The following TCP11 variants were observed in gnomAD, a reference collection of about 807,000 sequenced individuals.
TCP11 encodes the protein t-complex 11, also known as T-complex protein 11 homolog.
A neutral mutation model predicts 45.0 loss-of-function variants in TCP11; 34 were observed. That is an observed-to-expected ratio of 0.76 (90% confidence interval 0.57 to 1.01). The LOEUF is 1.01. Among genes scored for constraint, TCP11 ranks in the 50% least tolerant of loss-of-function variants. The pLI is 0.00. For synonymous variants in TCP11, 227 were observed against 227.0 expected (o/e 1.00, Z 0.00); for missense variants, 523 against 598.1 (o/e 0.87, Z 1.31).
chr6:35,127,074 T>A (rs1021579146), intron 4 of TCP11, among the ~76,000 whole-genome samples: 1 of 152,146 alleles, frequency 6.6e-6, no homozygotes, highest in African/African-American at 2.4e-5. Flanking sequence ...ACTTGCAGGA[T>A]TTTTGTTTCC....
rs761971960 is a variant in TCP11, at chr6:35,119,354, A to G, written c.1153T>C (p.Ser385Pro). The change falls in exon 9 of 10, where the codon TCT (serine) becomes CCT (proline). Residue 385 changes from serine (S) to proline (P), a missense_variant. Physicochemically the swap from Ser to Pro is moderately conservative, Grantham distance 74. Around this residue, in one of 2 missense-constraint regions of TCP11, gnomAD observed 298 missense variants for 387.9 expected, o/e 0.77. Transcript: ENST00000311875. Reference sequence around the variant, plus strand: ...TTGAGGCTTTGATGGATTTCCTGAGATACCTGTTCACTCACAGTCAGTATA... The same window carrying G: ...TTGAGGCTTTGATGGATTTCCTGAGGTACCTGTTCACTCACAGTCAGTATA... ...EAILTVSEQV[S>P]QEIHQSLKNM... 4.3e-6 allele frequency: 7 copies of G among 1,614,244 alleles called. No individual in the cohort carries two copies. The East Asian group carries it at 1.1e-4, about 26-fold the overall frequency.
chr6:35,123,961 G>T (rs1178113246), intron 4 of TCP11, among the ~76,000 whole-genome samples: 2 of 151,490 alleles, frequency 1.3e-5, no homozygotes, highest in Non-Finnish European at 2.9e-5. Flanking sequence ...TAATTAAAAA[G>T]ATTTTTTTTT....
chr6:35,121,813 A>G (rs890446171), intron 5 of TCP11, among the ~76,000 whole-genome samples: 32 of 144,060 alleles, frequency 2.2e-4, no homozygotes, highest in African/African-American at 8.1e-4. Context: ...ATCTCAAAAA[A>G]AAAGAAAGAA....
Position 35,121,005 on chromosome 6 carries a change from C to G in TCP11, c.619G>C (p.Val207Leu), listed in dbSNP as rs765409364. ...QVLGRMKMDM[V>L]NYTIQSLQPH... ...TGAAGGCTCTGGATAGTGTAGTTCA[C>G]CATGTCCATTTTCATCCGGCCCAGA... is the stretch of plus-strand genomic sequence containing the variant. The change falls in exon 6 of 10, where the codon GTG becomes CTG. Residue 207 changes from valine (V) to leucine (L), a missense_variant. Around this residue, in one of 2 missense-constraint regions of TCP11, gnomAD observed 298 missense variants for 387.9 expected, o/e 0.77. Transcript: ENST00000311875. The G allele has an allele frequency of 6.2e-7, 1 of 1,611,706 alleles. No individual in the cohort carries two copies. The highest frequency in any genetic ancestry group is 1.3e-5 in the African/African-American group (1 of 74,868).
chr6:35,127,165 T>C (rs914051915), intron 4 of TCP11, among the ~76,000 whole-genome samples: 5 of 152,098 alleles, frequency 3.3e-5, no homozygotes, highest in South Asian at 2.1e-4. Context: ...AAACTGACCA[T>C]TGGGGGCTCC....
intron 3 of TCP11, among the ~76,000 whole-genome samples, chr6:35,133,238 A>G (rs1248347472): frequency 1.3e-5 from 2 of 151,982 alleles, no homozygotes; most frequent in Non-Finnish European, 2.9e-5. Flanking sequence ...GTGCAGTAGC[A>G]CTATCACAGC....
chr6:35,140,232 A>G, intron 2 of TCP11: 1 of 1,505,920 alleles, frequency 6.6e-7, no homozygotes, highest in Non-Finnish European at 8.9e-7. Flanking sequence ...TTCTCTGGAG[A>G]TTAAGAGAAA....
At position 35,118,573 on chromosome 6, in the gene TCP11, T is replaced by C; in HGVS notation, c.1280-72A>G. On this transcript the variant is annotated intron_variant, in intron 9 of 9. Transcript: ENST00000311875. The stretch of plus-strand genomic sequence containing the variant: ...CAGGGAGAAAATTCCCCCTGCACTC[T>C]ACTCACCCATGTTCTAAGTTAACAG... 5 of 1,355,072 alleles carry C rather than the reference T, an allele frequency of 3.7e-6. No individual in the cohort carries two copies. In the African/African-American group the frequency reaches 5.8e-5, roughly 16 times the overall value. The allele number at this position is 1,355,072 out of a possible 1,614,324, so 83.9% of individuals were successfully genotyped here.
chr6:35,123,684 C>T (rs1581810553), intron 4 of TCP11, among the ~76,000 whole-genome samples: 1 of 138,300 alleles, frequency 7.2e-6, no homozygotes, highest in East Asian at 2.1e-4. Context: ...GATGGGGTCT[C>T]GCTGTGTTGC....
At chr6:35,129,461 A>C (rs1252415593) in intron 3 of TCP11, among the ~76,000 whole-genome samples, 1 of 152,192 alleles carries the variant, frequency 6.6e-6, no homozygotes, top group Non-Finnish European at 1.5e-5. Flanking sequence ...AGTCAGGCTG[A>C]CTTTTAGCAC....
intron 3 of TCP11, among the ~76,000 whole-genome samples, chr6:35,134,771 T>C (rs771424397): frequency 1.3e-5 from 2 of 152,222 alleles, no homozygotes; most frequent in Non-Finnish European, 2.9e-5. Flanking sequence ...CCCACAGATA[T>C]AAGGGCCAAC....
intron 3 of TCP11, among the ~76,000 whole-genome samples, chr6:35,132,488 C>G (rs983755046): frequency 6.6e-6 from 1 of 152,234 alleles, no homozygotes; most frequent in Admixed American, 6.5e-5. Context: ...ACTGCCTTAT[C>G]TATATCTCTA....
At chr6:35,124,611 A>G (rs1046776093) in intron 4 of TCP11, among the ~76,000 whole-genome samples, 1 of 152,202 alleles carries the variant, frequency 6.6e-6, no homozygotes, top group Admixed American at 6.5e-5. Flanking sequence ...AAAATGGCTT[A>G]TAAGAGACCA....
chr6:35,131,780 T>A (rs72897898), intron 3 of TCP11, among the ~76,000 whole-genome samples: 27,294 of 152,054 alleles, frequency 0.18, 3,046 homozygotes, highest in African/African-American at 0.29. Context: ...TAAAAAATGT[T>A]TAGTACAGAC....
Position 35,120,450 on chromosome 6 carries a change from A to G in TCP11, c.912T>C (p.Leu304=). 6.3e-7 allele frequency: 1 copy of G among 1,595,116 alleles called. No homozygotes were observed. The highest frequency in any genetic ancestry group is 8.5e-7 in the Non-Finnish European group (1 of 1,170,448). Residue 304 remains leucine (L), a synonymous_variant, in exon 7 of 10, where the codon CTT becomes CTC. Coordinates refer to ENST00000311875, the MANE Select transcript of TCP11 (RefSeq NM_001370687.1). The surrounding 1 kb of genome is among the most constrained non-coding windows in gnomAD (Gnocchi z 4.9). ...CTACCTCAGGGAACTCTTCATTTTC[A>G]AGGTCCCAGAGAAGGAGGTTCAAGA... The part of the protein sequence containing the change: ...QGFLNLLLWD[L]ENEEFPETLL...
intron 4 of TCP11, among the ~76,000 whole-genome samples, chr6:35,126,545 G>A (rs905342228): frequency 1.3e-4 from 20 of 151,242 alleles, no homozygotes; most frequent in African/African-American, 4.9e-4. Flanking sequence ...TAACTAAAAA[G>A]TAGAATGGCT....
At chr6:35,132,795 T>G (rs1350776036) in intron 3 of TCP11, among the ~76,000 whole-genome samples, 2 of 152,150 alleles carry the variant, frequency 1.3e-5, no homozygotes, top group Non-Finnish European at 2.9e-5. Flanking sequence ...TATCCCTCCA[T>G]ACGCCTGCAA....
At chr6:35,132,957 A>G (rs1301849196) in intron 3 of TCP11, among the ~76,000 whole-genome samples, 1 of 152,210 alleles carries the variant, frequency 6.6e-6, no homozygotes, top group Non-Finnish European at 1.5e-5. Context: ...ACTTGCTAAC[A>G]TCAGTCAAGA....
In TCP11 at chr6:35,131,208, G is replaced by A. The variant is rs924784902; in HGVS notation, c.237-2026C>T. Among the ~76,000 whole-genome samples the A allele has an allele frequency of 5.0e-4, 76 of 152,148 alleles. 1 individual carries two copies. The highest frequency in any genetic ancestry group is 1.8e-3 in the African/African-American group (76 of 41,446). ...GAATCGCTTGAACCCAGGAGGCAGA[G>A]GTTGCAGTGAGCCAAGATTGTGCCA... On this transcript the variant is annotated intron_variant, in intron 3 of 9. Coordinates refer to ENST00000311875, the MANE Select transcript of TCP11 (RefSeq NM_001370687.1).
Sources: gnomAD v4.1 joint callset for allele counts (sites outside exome capture counted in the v4.1 genomes callset) on GRCh38, gnomAD v4.1.1 for gene constraint, gnomAD v4.1.1 regional missense constraint, Gnocchi (gnomAD v3.1) non-coding constraint, MANE v1.5 for transcripts, NCBI Gene and HGNC (gene_info 2026-07-23, HGNC 2026-07-21) for gene names.